TCF12: variants seen among roughly 807,000 people sequenced by gnomAD.
TCF12 encodes the protein transcription factor 12, also known as DNA-binding protein HTF4.
TCF12 carries 45 observed loss-of-function variants against 86.0 expected under a neutral mutation model. The ratio of observed to expected loss-of-function variants is 0.52; its 90% CI spans 0.41 to 0.67. The LOEUF (loss-of-function observed/expected upper bound fraction) is 0.67, where lower values mean the gene tolerates loss of function less well. Among genes scored for constraint, TCF12 ranks in the 30% least tolerant of loss-of-function variants. The pLI, the probability that TCF12 is intolerant of heterozygous loss-of-function variation, is 0.00. For missense variants in TCF12, 881 were observed against 859.9 expected, an observed-to-expected ratio of 1.02 and a Z score of -0.31; for synonymous variants, 330 against 299.6, an observed-to-expected ratio of 1.10 and a Z score of -1.05.
chr15:57,231,478 T>C (rs1168863625), intron 9 of TCF12, among the ~76,000 whole-genome samples: 3 of 152,166 alleles, frequency 2.0e-5, no homozygotes, highest in African/African-American at 7.2e-5. Flanking sequence ...CCAGTATTGA[T>C]TGAATTTATA....
chr15:57,049,379 C>T (rs1848391167), intron 3 of TCF12, among the ~76,000 whole-genome samples: 1 of 152,204 alleles, frequency 6.6e-6, no homozygotes, highest in South Asian at 2.1e-4. Flanking sequence ...TTCCAGTCAA[C>T]CCTTACCTAC....
At chr15:57,059,304 C>T (rs1337612591) in intron 3 of TCF12, among the ~76,000 whole-genome samples, 4 of 152,130 alleles carry the variant, frequency 2.6e-5, no homozygotes, top group African/African-American at 9.7e-5. Flanking sequence ...GTCTCTTTCC[C>T]ACAGGGATGG....
At chr15:57,202,862 A>G (rs12050751) in intron 8 of TCF12, among the ~76,000 whole-genome samples, 75,132 of 151,944 alleles carry the variant, frequency 0.49, 19,130 homozygotes, top group East Asian at 0.64. Context: ...TTATGTACCT[A>G]CTATAAGTGT....
chr15:57,290,017 AT>A (rs34358500), downstream of TCF12, among the ~76,000 whole-genome samples: 56,439 of 142,590 alleles, frequency 0.4, 13,332 homozygotes, highest in Non-Finnish European at 0.54. Flanking sequence ...TTTTAAGAGG[AT>A]TTTTTTTTTT....
chr15:56,952,189 TACACAC>T (rs58480587), intron 3 of TCF12, among the ~76,000 whole-genome samples: 16 of 150,398 alleles, frequency 1.1e-4, no homozygotes, highest in African/African-American at 2.4e-4. Flanking sequence ...TTTGTGTATA[TACACAC>T]ACACACACAC....
At chr15:56,927,542 T>G (rs1041205584) in intron 3 of TCF12, among the ~76,000 whole-genome samples, 4 of 152,248 alleles carry the variant, frequency 2.6e-5, no homozygotes, top group Non-Finnish European at 5.9e-5. Flanking sequence ...TGCTCTTAAA[T>G]GGAATGAATA....
At chr15:57,055,885 T>C (rs2067980196) in intron 3 of TCF12, among the ~76,000 whole-genome samples, 1 of 152,180 alleles carries the variant, frequency 6.6e-6, no homozygotes. Flanking sequence ...AACACTTTTT[T>C]CTACCATATT....
chr15:57,143,209 G>C (rs1182642903), intron 5 of TCF12, among the ~76,000 whole-genome samples: 1 of 150,668 alleles, frequency 6.6e-6, no homozygotes, highest in Non-Finnish European at 1.5e-5. Flanking sequence ...TCTGAACTTG[G>C]TCCTTTTGTT....
At chr15:56,985,846 T>C (rs534918460) in intron 3 of TCF12, among the ~76,000 whole-genome samples, 2 of 152,138 alleles carry the variant, frequency 1.3e-5, no homozygotes, top group Non-Finnish European at 1.5e-5. Context: ...TTCCTGCAAA[T>C]TTTCTTAGAT....
chr15:57,119,438 C>T (rs150982762), intron 5 of TCF12, among the ~76,000 whole-genome samples: 73 of 149,964 alleles, frequency 4.9e-4, no homozygotes, highest in Admixed American at 9.4e-4. Context: ...TAGGCATGAG[C>T]CACCGTACCC....
chr15:56,919,711 C>A, intron 1 of TCF12, 181 bp from the exon 2 acceptor site: 1 of 450,570 alleles, frequency 2.2e-6, no homozygotes, highest in Non-Finnish European at 3.9e-6. Flanking sequence ...ATTCCGGGAC[C>A]CGGCGCGGGC....
chr15:57,092,658 C>A (rs2049064474), intron 5 of TCF12, among the ~76,000 whole-genome samples: 1 of 151,682 alleles, frequency 6.6e-6, no homozygotes, highest in African/African-American at 2.4e-5. Context: ...TGAAAATAAT[C>A]TGTATGTTTT....
chr15:57,282,614 A>T lies in TCF12; in HGVS notation c.*11+16A>T. On this transcript the variant is annotated intron_variant, in intron 20 of 20. Coordinates refer to ENST00000333725, the MANE Select transcript of TCF12 (RefSeq NM_207037.2). ...CATCAGCCAGGTAAGTACGGGTTTG[A>T]AAAGAAACAGCAAGGAAATAACCTT... is the stretch of plus-strand genomic sequence containing the variant. 6.3e-7 allele frequency: 1 copy of T among 1,599,562 alleles called. No individual in the cohort carries two copies. Among genetic ancestry groups the T allele is most frequent in the Non-Finnish European group, 8.5e-7 (1 of 1,175,280 alleles).
chr15:56,964,968 T>C (rs1205238139), intron 3 of TCF12, among the ~76,000 whole-genome samples: 1 of 152,214 alleles, frequency 6.6e-6, no homozygotes, highest in Non-Finnish European at 1.5e-5. Context: ...GATAATTTTG[T>C]ATAGATCTTT....
chr15:57,022,224 C>T (rs1460441675), intron 3 of TCF12, among the ~76,000 whole-genome samples: 1 of 152,040 alleles, frequency 6.6e-6, no homozygotes, highest in South Asian at 2.1e-4. Flanking sequence ...CCCAGCTCCC[C>T]ACCCCCCGAT....
Position 57,192,210 on chromosome 15 carries a change from C to T in TCF12, c.443C>T (p.Ser148Phe). ...CTTGGGAGCCCAGCACAGCTATCTT[C>T]TTCAGGAAAACCTGGGACAGCATAC... ...LGLGSPAQLSSSGKPGTAYYS... is the reference protein window; with the variant it reads ...LGLGSPAQLSFSGKPGTAYYS... Residue 148 changes from serine to phenylalanine, a missense_variant, in exon 7 of 21, where the codon TCT becomes TTT. Around this residue, in one of 3 missense-constraint regions of TCF12, gnomAD observed 766 missense variants for 718.9 expected, o/e 1.07. Coordinates refer to ENST00000333725, the MANE Select transcript of TCF12 (RefSeq NM_207037.2). 6.2e-7 allele frequency: 1 copy of T among 1,614,100 alleles called. No homozygotes were observed. Among genetic ancestry groups the T allele is most frequent in the Non-Finnish European group, 8.5e-7 (1 of 1,179,992 alleles).
At chr15:57,100,210 A>G (rs1315176245) in intron 5 of TCF12, among the ~76,000 whole-genome samples, 6 of 152,176 alleles carry the variant, frequency 3.9e-5, no homozygotes, top group African/African-American at 1.2e-4. Flanking sequence ...GGTGGATGAC[A>G]GGGGCCGTGG....
chr15:57,067,496 G>A (rs1331637734), intron 4 of TCF12, among the ~76,000 whole-genome samples: 5 of 118,962 alleles, frequency 4.2e-5, no homozygotes, highest in Non-Finnish European at 8.1e-5. Flanking sequence ...GCCAGATCCC[G>A]CCACTGCACT....
intron 6 of TCF12, among the ~76,000 whole-genome samples, chr15:57,168,291 A>G (rs1437062125): frequency 6.6e-6 from 1 of 152,216 alleles, no homozygotes; most frequent in African/African-American, 2.4e-5. Context: ...GCTCATGCCT[A>G]GTTAAAAATT....
Sources: gnomAD v4.1 joint callset for allele counts (sites outside exome capture counted in the v4.1 genomes callset) on GRCh38, gnomAD v4.1.1 for gene constraint, gnomAD v4.1.1 regional missense constraint, MANE v1.5 for transcripts, NCBI Gene and HGNC (gene_info 2026-07-23, HGNC 2026-07-21) for gene names.